Variants in CORO2B observed in about 807,000 individuals in gnomAD.
The protein encoded by CORO2B is coronin-2B.
A neutral mutation model predicts 58.8 loss-of-function variants in CORO2B; 26 were observed. That is an observed-to-expected ratio of 0.44 (90% CI 0.32 to 0.61). The LOEUF is 0.61. Among genes scored for constraint, CORO2B ranks in the 20% least tolerant of loss-of-function variants. The pLI is 0.04. For missense variants in CORO2B, 460 were observed against 645.1 expected (o/e 0.71, Z 3.11); for synonymous variants, 242 against 253.8 (o/e 0.95, Z 0.44).
intron 3 of CORO2B, among the ~76,000 whole-genome samples, chr15:68,708,700 G>C (rs143876772): frequency 6.6e-6 from 1 of 151,544 alleles, no homozygotes. Flanking sequence ...TATTTTCTGA[G>C]ACAGAGTCTC....
chr15:68,652,976 T>G (rs1041562972), intron 2 of CORO2B, among the ~76,000 whole-genome samples: 1 of 152,186 alleles, frequency 6.6e-6, no homozygotes, highest in Non-Finnish European at 1.5e-5. Flanking sequence ...ACCAACACTT[T>G]ATTACACCTC....
At chr15:68,703,467 T>C (rs1453790850) in intron 3 of CORO2B, among the ~76,000 whole-genome samples, 1 of 152,168 alleles carries the variant, frequency 6.6e-6, no homozygotes, top group East Asian at 1.9e-4. Context: ...CCATATCTTA[T>C]ACTGTCCTGT....
At chr15:68,573,221 C>T in the CORO2B span, among the ~76,000 whole-genome samples, 6 of 152,056 alleles carry the variant, frequency 3.9e-5, no homozygotes, top group East Asian at 1.9e-4. Context: ...ATGCCAAAGT[C>T]GGCATATGTG....
At chr15:68,552,874 C>A in the CORO2B span, among the ~76,000 whole-genome samples, 1 of 152,326 alleles carries the variant, frequency 6.6e-6, no homozygotes, top group African/African-American at 2.4e-5. Context: ...AAGCAGGGAG[C>A]CTGACCAGGA....
At chr15:68,551,245 G>A in the CORO2B span, among the ~76,000 whole-genome samples, 4 of 152,066 alleles carry the variant, frequency 2.6e-5, no homozygotes, top group Non-Finnish European at 5.9e-5. Context: ...GGATGCTCTC[G>A]GGGGCTCATT....
At chr15:68,675,387 C>T (rs1470203613) in intron 2 of CORO2B, among the ~76,000 whole-genome samples, 2 of 152,128 alleles carry the variant, frequency 1.3e-5, no homozygotes, top group Admixed American at 6.6e-5. Flanking sequence ...CTTCCTCTAG[C>T]TCACCTTCCC....
At chr15:68,530,257 G>A in the CORO2B span, among the ~76,000 whole-genome samples, 11 of 152,116 alleles carry the variant, frequency 7.2e-5, no homozygotes, top group African/African-American at 1.2e-4. Flanking sequence ...ACCGGGAGGC[G>A]GAGCTTGCAG....
chr15:68,632,295 T>G, intron 1 of CORO2B: 1 of 985,476 alleles, frequency 1.0e-6, no homozygotes, highest in South Asian at 4.7e-5. Context: ...AAGATACAAG[T>G]TTGTTTCCTC....
chr15:68,689,196 G>C (rs143198758), intron 2 of CORO2B, among the ~76,000 whole-genome samples: 13 of 151,632 alleles, frequency 8.6e-5, no homozygotes, highest in African/African-American at 2.9e-4. Context: ...CTCCCTAAGG[G>C]TTATAGACTC....
the CORO2B span, among the ~76,000 whole-genome samples, chr15:68,550,102 G>A: frequency 6.6e-6 from 1 of 152,096 alleles, no homozygotes. Flanking sequence ...TGCGGAAGGT[G>A]GAATCAGCTG....
At chr15:68,614,085 G>A (rs756000048) in intron 1 of CORO2B, among the ~76,000 whole-genome samples, 2 of 152,100 alleles carry the variant, frequency 1.3e-5, no homozygotes, top group African/African-American at 4.8e-5. Flanking sequence ...GTTAAAATGC[G>A]GATTCTTGGG....
chr15:68,672,237 G>T lies in CORO2B; in HGVS notation c.217-22903G>T, dbSNP rs143228736. ...TTCTTTGAGTATGCATAATTTTCTG[G>T]TTTTTAAAAATTTTTTGAGACAGAA... On this transcript the variant is annotated intron_variant, in intron 2 of 11. Coordinates refer to ENST00000261861, the MANE Select transcript of CORO2B (RefSeq NM_006091.5). 1.8e-3 allele frequency among the ~76,000 whole-genome samples: 258 copies of T among 146,600 alleles called. 1 individual carries two copies. The highest frequency in any genetic ancestry group is 6.2e-3 in the African/African-American group (249 of 39,896).
chr15:68,555,524 TTGTGGCAACC>T, the CORO2B span, among the ~76,000 whole-genome samples: 1 of 151,924 alleles, frequency 6.6e-6, no homozygotes, highest in African/African-American at 2.4e-5. Context: ...GCTCCATGGG[TTGTGGCAACC>T]TGTGGCTGGG....
At chr15:68,566,510 C>A in the CORO2B span, among the ~76,000 whole-genome samples, 2 of 152,190 alleles carry the variant, frequency 1.3e-5, no homozygotes, top group South Asian at 4.1e-4. Context: ...GGTTCCTCCC[C>A]TTCCCTCCAG....
At chr15:68,624,803 C>A (rs1900631414) in intron 1 of CORO2B, among the ~76,000 whole-genome samples, 1 of 152,110 alleles carries the variant, frequency 6.6e-6, no homozygotes, top group Non-Finnish European at 1.5e-5. Context: ...TTGCCTCAGC[C>A]TCCTGAGTAG....
chr15:68,602,026 T>A (rs960809925), intron 1 of CORO2B, among the ~76,000 whole-genome samples: 25 of 148,188 alleles, frequency 1.7e-4, no homozygotes, highest in Admixed American at 4.0e-4. Flanking sequence ...TTTTTTTTTT[T>A]AAATAAATGC....
At chr15:68,547,997 C>T in the CORO2B span, among the ~76,000 whole-genome samples, 15 of 151,946 alleles carry the variant, frequency 9.9e-5, no homozygotes, top group East Asian at 1.4e-3. Flanking sequence ...ATGGTGAAAC[C>T]CTGTCTCTAC....
At chr15:68,697,672 C>T (rs1173438784) in intron 3 of CORO2B, among the ~76,000 whole-genome samples, 4 of 152,148 alleles carry the variant, frequency 2.6e-5, no homozygotes, top group Non-Finnish European at 5.9e-5. Flanking sequence ...CAGCCCAGAA[C>T]CAAATTAGGG....
chr15:68,709,459 GTTTT>G (rs57604810), intron 3 of CORO2B, among the ~76,000 whole-genome samples: 22 of 99,042 alleles, frequency 2.2e-4, no homozygotes, highest in East Asian at 5.7e-4. Flanking sequence ...TTTTTTTCGT[GTTTT>G]TTTTTTTTTT....
Sources: allele counts gnomAD v4.1 joint callset (sites outside exome capture counted in the v4.1 genomes callset), GRCh38; gene constraint gnomAD v4.1.1; transcripts MANE v1.5; gene names NCBI Gene and HGNC (gene_info 2026-07-23, HGNC 2026-07-21).